PDHX: variants seen among roughly 807,000 people sequenced by gnomAD.
PDHX encodes pyruvate dehydrogenase complex component X, also known as pyruvate dehydrogenase protein X component, mitochondrial.
A neutral mutation model predicts 55.3 loss-of-function variants in PDHX; 33 were observed. The ratio of observed to expected loss-of-function variants is 0.60; its 90% CI spans 0.45 to 0.80. The LOEUF (loss-of-function observed/expected upper bound fraction) is 0.80, where lower values mean the gene tolerates loss of function less well. PDHX is among the 30% of genes least tolerant of loss of function. The probability of loss-of-function intolerance (pLI) is 0.00; values close to 1 mark genes in which losing one functional copy is unlikely to be tolerated. For synonymous variants in PDHX, 226 were observed against 219.4 expected (o/e 1.03, Z -0.27); for missense variants, 622 against 619.9 (o/e 1.00, Z -0.04).
intron 10 of PDHX, among the ~76,000 whole-genome samples, chr11:34,993,445 C>A (rs572123320): frequency 6.6e-6 from 1 of 152,088 alleles, no homozygotes; most frequent in South Asian, 2.1e-4. Flanking sequence ...ACATGTAGAT[C>A]ACAATTCAAC....
In PDHX at chr11:34,966,784, A is replaced by T; in HGVS notation, c.786A>T (p.Pro262=). 1 of 1,613,988 alleles carries T rather than the reference A, an allele frequency of 6.2e-7. No individual in the cohort carries two copies. The highest frequency in any genetic ancestry group is 8.5e-7 in the Non-Finnish European group (1 of 1,179,950). The change falls in exon 6 of 11, where the codon CCA becomes CCT. Residue 262 remains proline (P), a synonymous_variant. Transcript: ENST00000227868. ...GPSYPRPVIP[P]VSTPGQPNAV... is the part of the protein sequence containing the mutation. ...CTTATCCCCGGCCTGTGATCCCACC[A>T]GTATCAACTCCTGGACAACCCAATG... is the stretch of plus-strand genomic sequence containing the variant.
intron 3 of PDHX, among the ~76,000 whole-genome samples, chr11:34,955,979 T>A (rs1854898938): frequency 6.6e-6 from 1 of 152,098 alleles, no homozygotes; most frequent in African/African-American, 2.4e-5. Flanking sequence ...ATTTTTGAGT[T>A]AGCAATTCAC....
chr11:34,943,448 G>C (rs1854539610), intron 2 of PDHX, among the ~76,000 whole-genome samples: 2 of 152,090 alleles, frequency 1.3e-5, no homozygotes, highest in South Asian at 2.1e-4. Flanking sequence ...CTGTTTTCTA[G>C]GCATCTAAGA....
intron 3 of PDHX, among the ~76,000 whole-genome samples, chr11:34,955,734 G>C (rs1198329180): frequency 6.6e-6 from 1 of 152,108 alleles, no homozygotes; most frequent in African/African-American, 2.4e-5. Flanking sequence ...GAAACAGAAG[G>C]TGAGGTACCA....
intron 3 of PDHX, 62 bp from the exon 4 acceptor site, chr11:34,957,322 C>A (rs2133972559): frequency 1.7e-6 from 2 of 1,145,856 alleles, no homozygotes. Flanking sequence ...AACAAAAGAA[C>A]AAACTACTTA....
intron 2 of PDHX, 32 bp from the exon 3 acceptor site, chr11:34,947,474 A>G: frequency 6.8e-7 from 1 of 1,461,452 alleles, no homozygotes; most frequent in Non-Finnish European, 9.6e-7. Flanking sequence ...TTATATTTTA[A>G]AAAACAAAAC....
chr11:34,984,857 A>G lies in PDHX; in HGVS notation c.1182+129A>G, dbSNP rs529136138. 87 of 871,114 alleles carry G rather than the reference A, an allele frequency of 1.0e-4. No individual in the cohort carries two copies. The African/African-American group carries it at 1.3e-3, about 13-fold the overall frequency. The allele number at this position is 871,114 out of a possible 1,614,324, so 54.0% of individuals were successfully genotyped here. On this transcript the variant is annotated intron_variant, in intron 9 of 10. Coordinates refer to ENST00000227868, the MANE Select transcript of PDHX (RefSeq NM_003477.3). ...TGTGTGTGAAGGGGAGAGTTATTTC[A>G]TCAAGTGATTGTCACATATATATAG...
intron 2 of PDHX, among the ~76,000 whole-genome samples, chr11:34,934,854 C>T (rs1854271193): frequency 6.6e-6 from 1 of 151,858 alleles, no homozygotes; most frequent in African/African-American, 2.4e-5. Flanking sequence ...GCTAGGATTA[C>T]AGGCATAAGC....
chr11:34,916,284 T>C (rs928296244), upstream of PDHX: 6 of 1,612,362 alleles, frequency 3.7e-6, no homozygotes, highest in South Asian at 1.1e-5. Context: ...CAGCCAGACA[T>C]GGCCCAGACC....
chr11:34,951,349 G>A (rs529675692), intron 3 of PDHX, among the ~76,000 whole-genome samples: 81 of 152,106 alleles, frequency 5.3e-4, no homozygotes, highest in Middle Eastern at 6.8e-3. Flanking sequence ...GTGAGCCACC[G>A]CGCCCGGCCT....
At chr11:34,974,908 A>G (rs368464191) in intron 7 of PDHX, among the ~76,000 whole-genome samples, 6 of 152,318 alleles carry the variant, frequency 3.9e-5, no homozygotes, top group Non-Finnish European at 8.8e-5. Flanking sequence ...ACCTGTCTCC[A>G]AAAACAAAAA....
At chr11:34,960,876 T>A (rs1196852178) in intron 5 of PDHX, among the ~76,000 whole-genome samples, 1 of 152,154 alleles carries the variant, frequency 6.6e-6, no homozygotes, top group Non-Finnish European at 1.5e-5. Context: ...TTTTAAAAAA[T>A]TATTTTCATT....
chr11:34,964,642 T>A (rs549349729), intron 5 of PDHX, among the ~76,000 whole-genome samples: 1 of 152,164 alleles, frequency 6.6e-6, no homozygotes, highest in South Asian at 2.1e-4. Flanking sequence ...CAAGTTTTTG[T>A]GAGCAAGAAG....
intron 5 of PDHX, among the ~76,000 whole-genome samples, chr11:34,963,440 C>A (rs1201261254): frequency 1.3e-5 from 2 of 152,040 alleles, no homozygotes; most frequent in Non-Finnish European, 2.9e-5. Flanking sequence ...CCATGCCTGG[C>A]TAAATTTTTA....
chr11:34,948,787 G>A (rs11032947), intron 3 of PDHX, among the ~76,000 whole-genome samples: 2 of 151,996 alleles, frequency 1.3e-5, no homozygotes, highest in Non-Finnish European at 2.9e-5. Context: ...ACCAAAAATA[G>A]TTTTCTTGAC....
chr11:34,934,037 T>G (rs2985405), intron 2 of PDHX, among the ~76,000 whole-genome samples: 56,605 of 151,994 alleles, frequency 0.37, 10,929 homozygotes, highest in East Asian at 0.74. Context: ...TTCTGCTATA[T>G]GAACCGTAGC....
At chr11:34,964,966 G>A (rs994771487) in intron 5 of PDHX, among the ~76,000 whole-genome samples, 1 of 151,984 alleles carries the variant, frequency 6.6e-6, no homozygotes, top group Non-Finnish European at 1.5e-5. Flanking sequence ...ATGTATTCGG[G>A]CATTAACGAT....
chr11:34,945,124 A>G (rs1268353827), intron 2 of PDHX, among the ~76,000 whole-genome samples: 1 of 152,162 alleles, frequency 6.6e-6, no homozygotes, highest in Admixed American at 6.5e-5. Context: ...AGTTGATGCA[A>G]AAGTAATTGG....
At chr11:34,979,730 TTAAA>T (rs1387726300) in intron 8 of PDHX, among the ~76,000 whole-genome samples, 1 of 152,230 alleles carries the variant, frequency 6.6e-6, no homozygotes, top group Non-Finnish European at 1.5e-5. Flanking sequence ...TTTGCACTCC[TTAAA>T]TAAATCTCTA....
Sources: gnomAD v4.1 joint callset for allele counts (sites outside exome capture counted in the v4.1 genomes callset) on GRCh38, gnomAD v4.1.1 for gene constraint, MANE v1.5 for transcripts, NCBI Gene and HGNC (gene_info 2026-07-23, HGNC 2026-07-21) for gene names.